BABAM2: variants seen among roughly 807,000 people sequenced by gnomAD.
BABAM2 encodes BRISC and BRCA1-A complex member 2.
In BABAM2, 31 loss-of-function variants were observed where a neutral mutation model predicts 54.7. That is an observed-to-expected ratio of 0.57 (90% CI 0.43 to 0.77). BABAM2 has a LOEUF of 0.77. BABAM2 is among the 30% of genes least tolerant of loss of function. The pLI, the probability that BABAM2 is intolerant of heterozygous loss-of-function variation, is 0.00. For synonymous variants in BABAM2, 167 were observed against 162.9 expected (o/e 1.03, Z -0.19); for missense variants, 364 against 455.8 (o/e 0.80, Z 1.83).
chr2:28,256,729 C>G (rs1298533229), intron 10 of BABAM2, among the ~76,000 whole-genome samples: 4 of 134,044 alleles, frequency 3.0e-5, no homozygotes, highest in Admixed American at 8.8e-5. Flanking sequence ...GAGTCTCGCT[C>G]TGTCACCCAG....
intron 3 of BABAM2, among the ~76,000 whole-genome samples, chr2:27,952,157 G>A (rs557598766): frequency 1.8e-4 from 27 of 152,106 alleles, no homozygotes; most frequent in African/African-American, 6.0e-4. Flanking sequence ...AATTTTACAC[G>A]GTACATCTTT....
chr2:27,929,686 T>G (rs1010264217), intron 2 of BABAM2, 146 bp from the exon 3 acceptor site: 2 of 658,932 alleles, frequency 3.0e-6, no homozygotes, highest in African/African-American at 3.7e-5. Flanking sequence ...TCCATGACTA[T>G]TAAAGGCTTT....
At chr2:28,206,672 A>G (rs759867402) in intron 7 of BABAM2, among the ~76,000 whole-genome samples, 5 of 152,162 alleles carry the variant, frequency 3.3e-5, no homozygotes, top group African/African-American at 7.2e-5. Context: ...TTTGTCGCCT[A>G]TCTTCCAGGG....
Position 28,253,551 on chromosome 2 carries a change from A to C in BABAM2, c.934+8689A>C, listed in dbSNP as rs554810203. Among the ~76,000 whole-genome samples the C allele has an allele frequency of 2.1e-4, 32 of 152,336 alleles. No individual in the cohort carries two copies. In the South Asian group the frequency reaches 6.6e-3, roughly 32 times the overall value. Reference sequence around the variant, plus strand: ...TACAAATAACAAAACTGGCACAGCAAGATTAAATGACAGAGCTAGTGTTTA... The same window carrying C: ...TACAAATAACAAAACTGGCACAGCACGATTAAATGACAGAGCTAGTGTTTA... On this transcript the variant is annotated intron_variant, in intron 10 of 11. Transcript: ENST00000379624.
Position 28,325,955 on chromosome 2 carries a change from G to GT in BABAM2, c.1089-12493dup, listed in dbSNP as rs1690414466. On this transcript the variant is annotated intron_variant, in intron 11 of 11. Coordinates refer to ENST00000379624, the MANE Select transcript of BABAM2 (RefSeq NM_199191.3). The surrounding 1 kb of genome is among the most constrained non-coding windows in gnomAD (Gnocchi z 4.3). ...GCCTCAAGGAGTTGATCTCCTAAGT[G>GT]TTCCTGAGGCCCTCCTTTGGGAGTC... Among the ~76,000 whole-genome samples, 1 of 152,224 alleles carries GT rather than the reference G, an allele frequency of 6.6e-6. No homozygotes were observed. Among genetic ancestry groups the GT allele is most frequent in the Admixed American group, 6.5e-5 (1 of 15,288 alleles).
intron 4 of BABAM2, among the ~76,000 whole-genome samples, chr2:27,991,887 C>T (rs1672805924): frequency 1.3e-5 from 2 of 152,106 alleles, no homozygotes; most frequent in Non-Finnish European, 2.9e-5. Flanking sequence ...AATGGAATTG[C>T]AGGGTCAAAT....
intron 6 of BABAM2, among the ~76,000 whole-genome samples, chr2:28,090,382 G>A (rs1277799166): frequency 1.3e-5 from 2 of 151,990 alleles, no homozygotes; most frequent in African/African-American, 4.8e-5. Context: ...GTAGCTGGGA[G>A]TACAGGTGTG....
chr2:28,144,928 G>C (rs1417117915), intron 7 of BABAM2, among the ~76,000 whole-genome samples: 5 of 152,194 alleles, frequency 3.3e-5, no homozygotes, highest in African/African-American at 1.2e-4. Flanking sequence ...TAGTTCCTTG[G>C]AGGGGGCTCC....
At chr2:28,280,031 T>G (rs1247425649) in intron 10 of BABAM2, among the ~76,000 whole-genome samples, 7 of 152,012 alleles carry the variant, frequency 4.6e-5, no homozygotes, top group Admixed American at 6.6e-5. Flanking sequence ...AAGAACGCAT[T>G]TGGTCCTAGT....
intron 3 of BABAM2, among the ~76,000 whole-genome samples, chr2:27,946,467 C>A (rs1573234040): frequency 6.6e-6 from 1 of 151,976 alleles, no homozygotes. Context: ...ACTTTTAGTT[C>A]TTTGCTTGGT....
chr2:28,225,294 G>T lies in BABAM2; in HGVS notation c.681-11908G>T, dbSNP rs114168175. ...GACAGTCGGGCTAACAAGGGTGGGC[G>T]CCAGGGAGGAAGGATGGAGAGCAAA... is the stretch of plus-strand genomic sequence containing the variant. On this transcript the variant is annotated intron_variant, in intron 7 of 11. Transcript: ENST00000379624. Among the ~76,000 whole-genome samples, 581 of 152,278 alleles carry T rather than the reference G, an allele frequency of 3.8e-3. 5 individuals carry two copies. The highest frequency in any genetic ancestry group is 0.013 in the African/African-American group (553 of 41,558).
intron 7 of BABAM2, among the ~76,000 whole-genome samples, chr2:28,197,199 T>G (rs1677692086): frequency 6.6e-6 from 1 of 152,120 alleles, no homozygotes; most frequent in African/African-American, 2.4e-5. Flanking sequence ...TTCATTCTTC[T>G]GAGAAACAAC....
chr2:28,148,735 T>C (rs1254111703), intron 7 of BABAM2, among the ~76,000 whole-genome samples: 3 of 152,204 alleles, frequency 2.0e-5, no homozygotes, highest in African/African-American at 7.2e-5. Flanking sequence ...AGAGCTGTAC[T>C]GTCACTCACT....
chr2:27,921,569 T>C (rs1010537664), intron 2 of BABAM2, among the ~76,000 whole-genome samples: 71 of 152,272 alleles, frequency 4.7e-4, no homozygotes, highest in African/African-American at 1.7e-3. Context: ...CCCAGCTCTG[T>C]CACTCACTAG....
At chr2:28,016,593 G>T (rs1573397542) in intron 4 of BABAM2, 3 of 520,350 alleles carry the variant, frequency 5.8e-6, no homozygotes, top group Non-Finnish European at 3.5e-6. Flanking sequence ...GTACATCCCA[G>T]AATCCACTGT....
At chr2:28,244,122 C>A (rs140958019) in intron 9 of BABAM2, among the ~76,000 whole-genome samples, 67 of 152,224 alleles carry the variant, frequency 4.4e-4, no homozygotes, top group Non-Finnish European at 8.7e-4. Flanking sequence ...AAATATGCAT[C>A]TCCCTTCCTG....
intron 7 of BABAM2, among the ~76,000 whole-genome samples, chr2:28,138,489 G>T (rs939086736): frequency 1.3e-5 from 2 of 152,036 alleles, no homozygotes; most frequent in African/African-American, 4.8e-5. Context: ...GGAGAGTAAC[G>T]CACCTTCCCC....
intron 6 of BABAM2, among the ~76,000 whole-genome samples, chr2:28,108,159 C>CAT (rs1006816300): frequency 7.9e-4 from 119 of 151,498 alleles, no homozygotes; most frequent in Admixed American, 3.7e-3. Flanking sequence ...CAGGTTTTCA[C>CAT]ATATATATAT....
chr2:28,105,369 T>C (rs1667432008), intron 6 of BABAM2, among the ~76,000 whole-genome samples: 1 of 152,144 alleles, frequency 6.6e-6, no homozygotes, highest in African/African-American at 2.4e-5. Flanking sequence ...CTGACTGTGG[T>C]ATGAAGAAGA....
Sources: gnomAD v4.1 joint callset for allele counts (sites outside exome capture counted in the v4.1 genomes callset) on GRCh38, gnomAD v4.1.1 for gene constraint, Gnocchi (gnomAD v3.1) non-coding constraint, MANE v1.5 for transcripts, NCBI Gene and HGNC (gene_info 2026-07-23, HGNC 2026-07-21) for gene names.